The following ZNF536 variants were observed in gnomAD, a reference collection of about 807,000 sequenced individuals.
The protein encoded by ZNF536 is zinc finger protein 536.
ZNF536 carries 13 observed loss-of-function variants against 84.5 expected under a neutral mutation model. The observed-to-expected ratio is 0.15, with a 90% CI of 0.10 to 0.24. ZNF536 has a LOEUF of 0.24. Ranked by LOEUF, ZNF536 falls within the 10% of genes least tolerant of loss-of-function variation. ZNF536 has a pLI of 1.00. For missense variants in ZNF536, 1,536 were observed against 1,747.5 expected (o/e 0.88, Z 2.16); for synonymous variants, 811 against 742.5 (o/e 1.09, Z -1.50).
intron 2 of ZNF536, among the ~76,000 whole-genome samples, chr19:30,345,928 G>C (rs1205910245): frequency 2.0e-5 from 3 of 152,238 alleles, no homozygotes; most frequent in Non-Finnish European, 4.4e-5. Context: ...GAGGGCTGGA[G>C]AGTGTCTCAT....
chr19:30,486,000 T>C (rs910690800), intron 2 of ZNF536, among the ~76,000 whole-genome samples: 1 of 152,102 alleles, frequency 6.6e-6, no homozygotes, highest in Non-Finnish European at 1.5e-5. Flanking sequence ...TGTGTTTCAT[T>C]AGGTGGGGGT....
intron 1 of ZNF536, among the ~76,000 whole-genome samples, chr19:30,419,707 G>A (rs1485036683): frequency 1.3e-5 from 2 of 152,228 alleles, no homozygotes; most frequent in Admixed American, 6.5e-5. Flanking sequence ...AGGAGCAGGA[G>A]GATTGGATGG....
At chr19:30,304,581 A>G (rs1380714006) in intron 2 of ZNF536, among the ~76,000 whole-genome samples, 1 of 152,188 alleles carries the variant, frequency 6.6e-6, no homozygotes, top group Non-Finnish European at 1.5e-5. Context: ...CCCCAGCTAA[A>G]TGGGAGGGAG....
intron 2 of ZNF536, among the ~76,000 whole-genome samples, chr19:30,317,089 G>A (rs2046703738): frequency 6.6e-6 from 1 of 152,196 alleles, no homozygotes; most frequent in African/African-American, 2.4e-5. Flanking sequence ...CTGATAGCCT[G>A]TAGTTCAATA....
intron 2 of ZNF536, among the ~76,000 whole-genome samples, chr19:30,318,341 C>A (rs893587196): frequency 2.6e-5 from 4 of 152,096 alleles, no homozygotes; most frequent in Admixed American, 6.5e-5. Context: ...GGTGTAATAT[C>A]CAAGAACAAG....
intron 1 of ZNF536, among the ~76,000 whole-genome samples, chr19:30,666,098 TAG>T (rs1480236660): frequency 6.6e-6 from 1 of 152,164 alleles, no homozygotes; most frequent in East Asian, 1.9e-4. Flanking sequence ...TTTGTTGCTT[TAG>T]GGTTGATCTA....
chr19:30,467,335 T>C (rs1714196505), intron 2 of ZNF536, among the ~76,000 whole-genome samples: 1 of 152,228 alleles, frequency 6.6e-6, no homozygotes, highest in South Asian at 2.1e-4. Flanking sequence ...ATTTGAGTAC[T>C]CTAAGTACCA....
chr19:30,522,285 T>TATATATATATTTTATATATATATA (rs1339273569), intron 2 of ZNF536, among the ~76,000 whole-genome samples: 1 of 33,800 alleles, frequency 3.0e-5, no homozygotes, highest in Non-Finnish European at 5.9e-5. Flanking sequence ...ATATATATAA[T>TATATATATATTTTATATATATATA]ATATATATAA....
intron 1 of ZNF536, among the ~76,000 whole-genome samples, chr19:30,617,571 C>T (rs186043520): frequency 4.6e-5 from 7 of 151,392 alleles, no homozygotes; most frequent in African/African-American, 7.3e-5. Flanking sequence ...AGGATGGTCT[C>T]GATCTCCTGA....
At chr19:30,511,199 C>T (rs2055400550) in intron 2 of ZNF536, among the ~76,000 whole-genome samples, 1 of 152,194 alleles carries the variant, frequency 6.6e-6, no homozygotes, top group Non-Finnish European at 1.5e-5. Flanking sequence ...CCCCACCAGA[C>T]ACCTTGCCCA....
chr19:30,696,940 G>T (rs1318963854), intron 1 of ZNF536, among the ~76,000 whole-genome samples: 1 of 152,178 alleles, frequency 6.6e-6, no homozygotes, highest in Non-Finnish European at 1.5e-5. Context: ...CCTCTCTCTG[G>T]CTTTGTGGCT....
intron 1 of ZNF536, among the ~76,000 whole-genome samples, chr19:30,600,728 C>T (rs1328607846): frequency 2.0e-5 from 3 of 152,154 alleles, no homozygotes; most frequent in Non-Finnish European, 1.5e-5. Context: ...AACGTTCAGG[C>T]GTGTGTGCCC....
At chr19:30,341,241 T>C (rs893915551) in intron 2 of ZNF536, among the ~76,000 whole-genome samples, 1 of 152,258 alleles carries the variant, frequency 6.6e-6, no homozygotes, top group Non-Finnish European at 1.5e-5. Context: ...AGATATTTTA[T>C]AGTTTTGATA....
chr19:30,659,664 C>G (rs1384049822), intron 1 of ZNF536, among the ~76,000 whole-genome samples: 5 of 152,204 alleles, frequency 3.3e-5, no homozygotes, highest in Non-Finnish European at 7.3e-5. Flanking sequence ...GCTTATAAAA[C>G]CATCAGATCT....
chr19:30,455,134 G>T (rs2052780736), intron 2 of ZNF536, among the ~76,000 whole-genome samples: 3 of 152,108 alleles, frequency 2.0e-5, no homozygotes. Context: ...GTTGTTCAAT[G>T]ACTTCACTAT....
At chr19:30,291,996 T>A (rs1186060271) in intron 2 of ZNF536, among the ~76,000 whole-genome samples, 2 of 152,226 alleles carry the variant, frequency 1.3e-5, no homozygotes, top group Non-Finnish European at 2.9e-5. Flanking sequence ...TGTGGCTGCA[T>A]TGACACTACA....
chr19:30,605,373 A>G (rs1216486822), intron 1 of ZNF536, among the ~76,000 whole-genome samples: 1 of 151,732 alleles, frequency 6.6e-6, no homozygotes, highest in Non-Finnish European at 1.5e-5. Flanking sequence ...AACATTCATT[A>G]TATCACTCTT....
intron 1 of ZNF536, among the ~76,000 whole-genome samples, chr19:30,677,594 G>A (rs1044392902): frequency 1.3e-5 from 2 of 152,226 alleles, no homozygotes; most frequent in African/African-American, 4.8e-5. Context: ...AAAAGCTGGC[G>A]GCAGGCTGAC....
At chr19:30,511,997 A>G (rs987304290) in intron 2 of ZNF536, among the ~76,000 whole-genome samples, 1 of 152,226 alleles carries the variant, frequency 6.6e-6, no homozygotes, top group African/African-American at 2.4e-5. Flanking sequence ...ATTTACATTA[A>G]GTATAATTCG....
Sources: allele counts gnomAD v4.1 joint callset (sites outside exome capture counted in the v4.1 genomes callset), GRCh38; gene constraint gnomAD v4.1.1; transcripts MANE v1.5; gene names NCBI Gene and HGNC (gene_info 2026-07-23, HGNC 2026-07-21).